GATAD2A: variants seen among roughly 807,000 people sequenced by gnomAD.
GATAD2A encodes the protein transcriptional repressor p66-alpha.
GATAD2A carries 12 observed loss-of-function variants against 68.5 expected under a neutral mutation model. That is an observed-to-expected ratio of 0.18 (90% CI 0.11 to 0.28). GATAD2A has a LOEUF of 0.28. GATAD2A is among the 10% of genes least tolerant of loss of function. The pLI is 1.00. For missense variants in GATAD2A, 755 were observed against 868.5 expected (o/e 0.87, Z 1.64); for synonymous variants, 410 against 375.3 (o/e 1.09, Z -1.07).
intron 1 of GATAD2A, among the ~76,000 whole-genome samples, chr19:19,431,268 C>G (rs2053714440): frequency 6.6e-6 from 1 of 150,944 alleles, no homozygotes; most frequent in Non-Finnish European, 1.5e-5. Context: ...TGTGATCATG[C>G]TGAGTGGTCT....
intron 2 of GATAD2A, among the ~76,000 whole-genome samples, chr19:19,477,249 A>G (rs976025555): frequency 1.3e-5 from 2 of 152,038 alleles, no homozygotes; most frequent in South Asian, 2.1e-4. Context: ...AAGATGGGAG[A>G]CATACCAGAT....
chr19:19,483,743 T>C (rs1289047422), intron 2 of GATAD2A, among the ~76,000 whole-genome samples: 2 of 150,378 alleles, frequency 1.3e-5, no homozygotes, highest in Non-Finnish European at 3.0e-5. Context: ...GCCTCCCGAG[T>C]AGCTGGGACT....
chr19:19,429,563 T>TAGA (rs1280051736), intron 1 of GATAD2A, among the ~76,000 whole-genome samples: 1 of 151,150 alleles, frequency 6.6e-6, no homozygotes, highest in Non-Finnish European at 1.5e-5. Flanking sequence ...TTATGGGGAG[T>TAGA]AGAAGATGGT....
At chr19:19,455,446 T>C (rs7256149) in intron 1 of GATAD2A, among the ~76,000 whole-genome samples, 65,431 of 151,696 alleles carry the variant, frequency 0.43, 15,503 homozygotes, top group African/African-American at 0.63. Context: ...GCTGAGATTG[T>C]GCCGCGCCAC....
intron 1 of GATAD2A, among the ~76,000 whole-genome samples, chr19:19,452,093 G>A (rs1560687): frequency 0.16 from 23,990 of 152,266 alleles, 2,006 homozygotes; most frequent in Middle Eastern, 0.28. Flanking sequence ...GAGTATATAC[G>A]TGTGTGTTGT....
rs2144593256 is a variant in GATAD2A, at chr19:19,507,126, G to A, written c.*1652G>A. On this transcript the variant is annotated 3_prime_UTR_variant, in exon 12 of 12. Transcript: ENST00000683918. Reference sequence around the variant, plus strand: ...TTTTTGTTTTTTTGTGCATAACTTGGATGGGCTGAAGGAGGTGAGGACAGA... The same window carrying A: ...TTTTTGTTTTTTTGTGCATAACTTGAATGGGCTGAAGGAGGTGAGGACAGA... 6.6e-6 allele frequency: 1 copy of A among 151,238 alleles called. No homozygotes were observed. Among genetic ancestry groups the A allele is most frequent in the Non-Finnish European group, 1.5e-5 (1 of 67,804 alleles). The allele number at this position is 151,238 out of a possible 1,614,324, so 9.4% of individuals were successfully genotyped here.
At chr19:19,440,222 G>A (rs2054847008) in intron 1 of GATAD2A, 1 of 297,158 alleles carries the variant, frequency 3.4e-6, no homozygotes, top group Non-Finnish European at 6.6e-6. Context: ...CTAAGGAAAG[G>A]TGGGGGGATT....
intron 1 of GATAD2A, among the ~76,000 whole-genome samples, chr19:19,461,271 G>A (rs545785817): frequency 1.3e-5 from 2 of 152,334 alleles, no homozygotes; most frequent in East Asian, 1.9e-4. Flanking sequence ...GCCACAGATG[G>A]CATTTTATGG....
chr19:19,444,024 G>A (rs2055405192), intron 1 of GATAD2A, among the ~76,000 whole-genome samples: 1 of 152,108 alleles, frequency 6.6e-6, no homozygotes, highest in South Asian at 2.1e-4. Flanking sequence ...TAGCAATAAA[G>A]TGGGTGCTGT....
At position 19,417,697 on chromosome 19, in the gene GATAD2A, C is replaced by A. The variant is rs142958731; in HGVS notation, c.-7+11678C>A. 3.9e-5 allele frequency among the ~76,000 whole-genome samples: 6 copies of A among 152,220 alleles called. No homozygotes were observed. In the East Asian group the frequency reaches 1.2e-3, roughly 29 times the overall value. On this transcript the variant is annotated intron_variant, in intron 1 of 11. Transcript: ENST00000683918. ...CAGAGGTTTCTGAGCATGACAATAT[C>A]GACTTGAATTGGGCAGAAGAAAGGC...
chr19:19,488,672 C>T (rs939413863), intron 2 of GATAD2A, among the ~76,000 whole-genome samples: 1 of 152,218 alleles, frequency 6.6e-6, no homozygotes, highest in African/African-American at 2.4e-5. Flanking sequence ...CTTGTGAGGT[C>T]AGGGCCAGTG....
intron 1 of GATAD2A, among the ~76,000 whole-genome samples, chr19:19,412,503 G>C (rs956919365): frequency 6.6e-6 from 1 of 151,926 alleles, no homozygotes; most frequent in Non-Finnish European, 1.5e-5. Flanking sequence ...GTGGTGGCAT[G>C]CATCTGTAGG....
intron 1 of GATAD2A, among the ~76,000 whole-genome samples, chr19:19,426,090 T>G (rs1189223039): frequency 6.6e-6 from 1 of 152,018 alleles, no homozygotes; most frequent in Non-Finnish European, 1.5e-5. Flanking sequence ...ACCTGGCCCC[T>G]GCAGACATAG....
chr19:19,494,183 G>T, intron 4 of GATAD2A, 111 bp from the exon 5 acceptor site: 1 of 609,914 alleles, frequency 1.6e-6, no homozygotes, highest in Non-Finnish European at 2.9e-6. Context: ...TGATGCCGTA[G>T]AGGAGGAAGA....
intron 1 of GATAD2A, among the ~76,000 whole-genome samples, chr19:19,417,550 C>T (rs929712714): frequency 6.6e-6 from 1 of 151,992 alleles, no homozygotes; most frequent in African/African-American, 2.4e-5. Context: ...CCCTCCTGGA[C>T]CTCAGGATTT....
intron 1 of GATAD2A, among the ~76,000 whole-genome samples, chr19:19,452,526 C>T (rs931929101): frequency 1.3e-5 from 2 of 152,024 alleles, no homozygotes; most frequent in Non-Finnish European, 2.9e-5. Flanking sequence ...TCCATGTCAG[C>T]CCCCAAGTCC....
Position 19,502,144 on chromosome 19 carries a change from T to C in GATAD2A, c.1578+101T>C, listed in dbSNP as rs1011492555. The stretch of plus-strand genomic sequence containing the variant: ...GCTGCCTCTTCTGTCTGTCTCTCCC[T>C]GTTTCTGTTTCACTCTCTCCCCTCC... On this transcript the variant is annotated intron_variant, in intron 10 of 11. Coordinates refer to ENST00000683918, the MANE Select transcript of GATAD2A (RefSeq NM_001384528.1). 6.2e-6 allele frequency: 6 copies of C among 965,344 alleles called. No individual in the cohort carries two copies. The African/African-American group carries it at 8.1e-5, about 13-fold the overall frequency. 59.8% of individuals were successfully genotyped at this position (965,344 alleles called of 1,614,324 possible).
Position 19,450,895 on chromosome 19 carries a change from C to T in GATAD2A, c.-6-14445C>T, listed in dbSNP as rs1479207212. Among the ~76,000 whole-genome samples the T allele has an allele frequency of 1.2e-4, 18 of 151,626 alleles. No individual in the cohort carries two copies. In the South Asian group the frequency reaches 2.5e-3, roughly 21 times the overall value. On this transcript the variant is annotated intron_variant, in intron 1 of 11. Transcript: ENST00000683918. ...AAGCAATTCCCCTGCCTCAGCCTCC[C>T]GAGTAGCTGGGATTACAGGCGCCCG...
intron 2 of GATAD2A, among the ~76,000 whole-genome samples, chr19:19,466,613 G>T (rs567461812): frequency 6.6e-6 from 1 of 152,220 alleles, no homozygotes; most frequent in Non-Finnish European, 1.5e-5. Context: ...GGATCCTGAG[G>T]ACTTCAGAGA....
Sources: allele counts gnomAD v4.1 joint callset (sites outside exome capture counted in the v4.1 genomes callset), GRCh38; gene constraint gnomAD v4.1.1; transcripts MANE v1.5; gene names NCBI Gene and HGNC (gene_info 2026-07-23, HGNC 2026-07-21).